The following EXOC6B variants were observed in gnomAD, a reference collection of about 807,000 sequenced individuals.
EXOC6B encodes the protein SEC15 homolog B.
EXOC6B carries 54 observed loss-of-function variants against 113.5 expected under a neutral mutation model. The ratio of observed to expected loss-of-function variants is 0.48; its 90% CI spans 0.38 to 0.60. EXOC6B has a LOEUF of 0.60. Among genes scored for constraint, EXOC6B ranks in the 20% least tolerant of loss-of-function variants. The pLI is 0.00. For missense variants in EXOC6B, 797 were observed against 977.5 expected (o/e 0.82, Z 2.46); for synonymous variants, 357 against 339.0 (o/e 1.05, Z -0.58).
Position 72,540,493 on chromosome 2 carries a change from C to T in EXOC6B, c.915+18960G>A, listed in dbSNP as rs144085095. Among the ~76,000 whole-genome samples the T allele has an allele frequency of 9.8e-3, 1,498 of 152,150 alleles. 14 individuals are homozygous for T. The highest frequency in any genetic ancestry group is 0.013 in the Non-Finnish European group (862 of 67,990). Reference sequence around the variant, plus strand: ...CCATTTGAAATTATGTTATATGTATCATATCTATTTATTCCTAAACACTGC... The same window carrying T: ...CCATTTGAAATTATGTTATATGTATTATATCTATTTATTCCTAAACACTGC... On this transcript the variant is annotated intron_variant, in intron 8 of 21. Coordinates refer to ENST00000272427, the MANE Select transcript of EXOC6B (RefSeq NM_015189.3).
intron 17 of EXOC6B, 115 bp from the exon 18 acceptor site, chr2:72,465,454 T>C (rs1251406912): frequency 1.4e-6 from 1 of 723,122 alleles, no homozygotes; most frequent in Non-Finnish European, 2.2e-6. Context: ...TAACTGGGAA[T>C]ACTGAGCCAT....
intron 6 of EXOC6B, among the ~76,000 whole-genome samples, chr2:72,650,445 C>T (rs1168018774): frequency 6.6e-6 from 1 of 151,934 alleles, no homozygotes; most frequent in African/African-American, 2.4e-5. Context: ...ACTAAAAATA[C>T]AAAAAACTAG....
At chr2:72,306,555 T>A (rs780289344) in intron 20 of EXOC6B, among the ~76,000 whole-genome samples, 77 of 152,234 alleles carry the variant, frequency 5.1e-4, no homozygotes, top group Non-Finnish European at 8.1e-4. Context: ...ATGTTTCTCA[T>A]ATTTCTTTAT....
At chr2:72,759,505 C>T (rs1682620889) in intron 1 of EXOC6B, among the ~76,000 whole-genome samples, 1 of 152,166 alleles carries the variant, frequency 6.6e-6, no homozygotes, top group South Asian at 2.1e-4. Context: ...AACTATGGTT[C>T]ATTTTTCCAG....
chr2:72,697,105 C>CAGATATAGAT (rs1553468432), intron 6 of EXOC6B, among the ~76,000 whole-genome samples: 9 of 142,674 alleles, frequency 6.3e-5, no homozygotes, highest in Non-Finnish European at 1.2e-4. Flanking sequence ...TTTTTATATA[C>CAGATATAGAT]AGATATAGAT....
At chr2:72,821,840 T>A (rs188726306) in intron 1 of EXOC6B, among the ~76,000 whole-genome samples, 1 of 152,136 alleles carries the variant, frequency 6.6e-6, no homozygotes, top group Non-Finnish European at 1.5e-5. Context: ...AGGTTTCTTT[T>A]TGAGTAATGA....
chr2:72,440,221 G>A (rs933790857), intron 18 of EXOC6B, among the ~76,000 whole-genome samples: 1 of 152,052 alleles, frequency 6.6e-6, no homozygotes, highest in Non-Finnish European at 1.5e-5. Flanking sequence ...GCTGTGCTGG[G>A]GTCCATTTCT....
intron 18 of EXOC6B, among the ~76,000 whole-genome samples, chr2:72,400,550 G>A (rs568816266): frequency 6.6e-6 from 1 of 151,560 alleles, no homozygotes; most frequent in East Asian, 1.9e-4. Context: ...ATCTGACAAA[G>A]GACAAATATC....
rs914844144 is a variant in EXOC6B at position 72,494,978 on chromosome 2, G to A, written c.1553+452C>T. ...GATTTTATCTGATACTCCCCTTTTGGCCTTAACATTTCATTAAGTAGAATG... is the reference window on the plus strand; with the variant it reads ...GATTTTATCTGATACTCCCCTTTTGACCTTAACATTTCATTAAGTAGAATG... On this transcript the variant is annotated intron_variant, in intron 15 of 21. Transcript: ENST00000272427. Among the ~76,000 whole-genome samples, 3 of 151,968 alleles carry A rather than the reference G, an allele frequency of 2.0e-5. No homozygotes were observed. The South Asian group carries it at 6.2e-4, about 32-fold the overall frequency.
intron 7 of EXOC6B, among the ~76,000 whole-genome samples, chr2:72,562,991 T>C (rs549989073): frequency 2.0e-5 from 3 of 152,162 alleles, no homozygotes; most frequent in Non-Finnish European, 4.4e-5. Context: ...TAATAGTTTC[T>C]GAATGGAGAG....
intron 19 of EXOC6B, among the ~76,000 whole-genome samples, chr2:72,357,886 G>A (rs1451135206): frequency 6.6e-6 from 1 of 152,032 alleles, no homozygotes; most frequent in African/African-American, 2.4e-5. Context: ...GTATGTAGCA[G>A]GCTATATACC....
chr2:72,706,875 G>C (rs919028687), intron 6 of EXOC6B, among the ~76,000 whole-genome samples: 1 of 152,130 alleles, frequency 6.6e-6, no homozygotes, highest in Non-Finnish European at 1.5e-5. Flanking sequence ...CAAATAAAGT[G>C]ATAAAGCTTC....
At chr2:72,584,342 A>G (rs957771756) in intron 6 of EXOC6B, among the ~76,000 whole-genome samples, 9 of 152,126 alleles carry the variant, frequency 5.9e-5, no homozygotes, top group African/African-American at 2.2e-4. Context: ...AAACAAAACA[A>G]AAAAAAGCAC....
At chr2:72,483,922 A>G (rs553571762) in intron 16 of EXOC6B, among the ~76,000 whole-genome samples, 1 of 152,236 alleles carries the variant, frequency 6.6e-6, no homozygotes, top group Non-Finnish European at 1.5e-5. Flanking sequence ...TCAAGGACAT[A>G]AAACTAATAA....
At chr2:72,508,293 G>A (rs71416747) in intron 11 of EXOC6B, among the ~76,000 whole-genome samples, 1 of 151,294 alleles carries the variant, frequency 6.6e-6, no homozygotes, top group Non-Finnish European at 1.5e-5. Flanking sequence ...AAAAATACCA[G>A]AGCCTGAAAT....
intron 18 of EXOC6B, among the ~76,000 whole-genome samples, chr2:72,408,332 A>C (rs1436939692): frequency 2.0e-5 from 3 of 152,264 alleles, no homozygotes; most frequent in Non-Finnish European, 4.4e-5. Context: ...ATCAAGCTAC[A>C]AATGACTTTC....
intron 17 of EXOC6B, 86 bp from the exon 18 acceptor site, chr2:72,465,425 C>T: frequency 1.0e-6 from 1 of 954,406 alleles, no homozygotes; most frequent in South Asian, 1.7e-5. Context: ...CTGACATATC[C>T]ATTAAGTAAC....
intron 6 of EXOC6B, among the ~76,000 whole-genome samples, chr2:72,649,823 C>G (rs1403971694): frequency 6.6e-6 from 1 of 152,080 alleles, no homozygotes; most frequent in Non-Finnish European, 1.5e-5. Flanking sequence ...GGAAGAACAG[C>G]CTTTTCAACA....
chr2:72,470,937 G>C (rs1698369126), intron 17 of EXOC6B, among the ~76,000 whole-genome samples: 1 of 152,200 alleles, frequency 6.6e-6, no homozygotes, highest in Non-Finnish European at 1.5e-5. Flanking sequence ...ACATGGGCGT[G>C]TATCTTTATA....
Sources: allele counts gnomAD v4.1 joint callset (sites outside exome capture counted in the v4.1 genomes callset), GRCh38; gene constraint gnomAD v4.1.1; transcripts MANE v1.5; gene names NCBI Gene and HGNC (gene_info 2026-07-23, HGNC 2026-07-21).